COL24A1: variants seen among roughly 807,000 people sequenced by gnomAD.
The protein encoded by COL24A1 is collagen alpha-1(XXIV) chain.
In COL24A1, 224 loss-of-function variants were observed where a neutral mutation model predicts 253.9. That is an observed-to-expected ratio of 0.88 (90% CI 0.79 to 0.99). COL24A1 has a LOEUF of 0.99. Ranked by LOEUF, COL24A1 falls within the 50% of genes least tolerant of loss-of-function variation. COL24A1 has a pLI of 0.00. For missense variants in COL24A1, 2,131 were observed against 2,068.5 expected, an observed-to-expected ratio of 1.03 and a Z score of -0.59; for synonymous variants, 685 against 673.7, an observed-to-expected ratio of 1.02 and a Z score of -0.26.
chr1:85,986,497 C>G (rs1409721996), intron 20 of COL24A1, among the ~76,000 whole-genome samples: 3 of 151,736 alleles, frequency 2.0e-5, no homozygotes, highest in Non-Finnish European at 4.4e-5. Context: ...ATTGAATGCT[C>G]TACGTAATTT....
At position 85,821,893 on chromosome 1, in the gene COL24A1, C is replaced by A. The variant is rs148192586; in HGVS notation, c.3789+1643G>T. Among the ~76,000 whole-genome samples the A allele has an allele frequency of 5.4e-3, 815 of 152,168 alleles. 6 individuals are homozygous for A. The highest frequency in any genetic ancestry group is 0.019 in the African/African-American group (784 of 41,494). On this transcript the variant is annotated intron_variant, in intron 45 of 59. Coordinates refer to ENST00000370571, the MANE Select transcript of COL24A1 (RefSeq NM_152890.7). ...GACCTCTCAAGATGGAAAAAGAAAG[C>A]CTGCAAATATGAAAGTATTAATTGT... is the stretch of plus-strand genomic sequence containing the variant.
chr1:85,765,312 A>T (rs2101157281), intron 53 of COL24A1, among the ~76,000 whole-genome samples: 2 of 151,028 alleles, frequency 1.3e-5, no homozygotes, highest in South Asian at 4.2e-4. Context: ...TATAAATATG[A>T]AGCAGCTAAT....
chr1:85,801,111 A>C (rs1671381276), intron 47 of COL24A1, among the ~76,000 whole-genome samples: 1 of 151,900 alleles, frequency 6.6e-6, no homozygotes, highest in South Asian at 2.1e-4. Context: ...CACCACATTC[A>C]TTTTTTTCTT....
chr1:85,775,652 T>C lies in COL24A1; in HGVS notation c.4374+22A>G, dbSNP rs1474659838. ...TAGCCTAGTGTCAGGGTTACTATAA[T>C]CACAAATTTAGTTAAACTTACAGTT... On this transcript the variant is annotated intron_variant, in intron 53 of 59. Transcript: ENST00000370571. 1.9e-6 allele frequency: 3 copies of C among 1,600,964 alleles called. No homozygotes were observed. The South Asian group carries it at 3.4e-5, about 18-fold the overall frequency.
At chr1:86,123,756 T>A (rs1647782488) in intron 3 of COL24A1, among the ~76,000 whole-genome samples, 1 of 151,980 alleles carries the variant, frequency 6.6e-6, no homozygotes. Flanking sequence ...TTTATTTCTC[T>A]ATAATAGTAT....
intron 24 of COL24A1, among the ~76,000 whole-genome samples, chr1:85,916,526 TA>T (rs1397369288): frequency 2.0e-5 from 3 of 152,018 alleles, no homozygotes; most frequent in African/African-American, 7.2e-5. Flanking sequence ...CTATACATAA[TA>T]ATAATAAAAT....
At chr1:85,742,451 T>C (rs957043782) in intron 57 of COL24A1, among the ~76,000 whole-genome samples, 2 of 152,154 alleles carry the variant, frequency 1.3e-5, no homozygotes, top group Non-Finnish European at 2.9e-5. Context: ...TTTCTTCCTT[T>C]ACTTACTATC....
chr1:86,119,634 T>C (rs987152030), intron 3 of COL24A1, among the ~76,000 whole-genome samples: 8 of 152,092 alleles, frequency 5.3e-5, no homozygotes, highest in African/African-American at 9.7e-5. Flanking sequence ...AAAACAAATA[T>C]GGTAAGATGG....
rs138671401 is a variant in COL24A1 at position 86,067,960 on chromosome 1, A to G, written c.1708-4201T>C. On this transcript the variant is annotated intron_variant, in intron 7 of 59. Transcript: ENST00000370571. ...ATTCTGAAAACTGAATACATTCCTT[A>G]AGGAATGACAATAGGAAAATTTACA... is the stretch of plus-strand genomic sequence containing the variant. Among the ~76,000 whole-genome samples, 648 of 152,370 alleles carry G rather than the reference A, an allele frequency of 4.3e-3. 2 individuals carry two copies. The highest frequency in any genetic ancestry group is 0.034 in the Middle Eastern group (10 of 294).
chr1:85,801,037 C>A (rs72950669), intron 47 of COL24A1, among the ~76,000 whole-genome samples: 1 of 152,154 alleles, frequency 6.6e-6, no homozygotes, highest in Non-Finnish European at 1.5e-5. Context: ...CACAGTTTCT[C>A]GAGATTATTA....
intron 24 of COL24A1, among the ~76,000 whole-genome samples, chr1:85,941,035 C>CA (rs1187774696): frequency 6.6e-6 from 1 of 151,948 alleles, no homozygotes; most frequent in Admixed American, 6.6e-5. Flanking sequence ...TTATTAGTTT[C>CA]AAAAAAAGTA....
chr1:85,845,625 T>A (rs972008516), intron 39 of COL24A1, among the ~76,000 whole-genome samples: 2 of 151,834 alleles, frequency 1.3e-5, no homozygotes, highest in African/African-American at 4.8e-5. Flanking sequence ...AGAATCCCTA[T>A]GAGAATCATC....
At chr1:86,111,119 C>T (rs1705543975) in intron 5 of COL24A1, among the ~76,000 whole-genome samples, 1 of 143,780 alleles carries the variant, frequency 7.0e-6, no homozygotes, top group South Asian at 2.2e-4. Context: ...AATCAGCACT[C>T]TGTATCTAGC....
intron 37 of COL24A1, among the ~76,000 whole-genome samples, chr1:85,862,269 C>A (rs1432936469): frequency 6.6e-6 from 1 of 152,070 alleles, no homozygotes; most frequent in Non-Finnish European, 1.5e-5. Flanking sequence ...TAGCAGAGTT[C>A]TTGGCTCATA....
At chr1:85,760,165 C>T (rs555386807) in intron 55 of COL24A1, among the ~76,000 whole-genome samples, 2 of 151,828 alleles carry the variant, frequency 1.3e-5, no homozygotes, top group South Asian at 2.1e-4. Flanking sequence ...CTCTGCCTCC[C>T]GGGCTCAGGT....
At chr1:85,979,484 T>C (rs1693026317) in intron 20 of COL24A1, among the ~76,000 whole-genome samples, 1 of 151,810 alleles carries the variant, frequency 6.6e-6, no homozygotes, top group African/African-American at 2.4e-5. Flanking sequence ...ATAAGTTCAA[T>C]AGAAACGAAA....
chr1:86,115,377 C>T lies in COL24A1; in HGVS notation c.1493G>A (p.Gly498Asp). The T allele has an allele frequency of 6.2e-7, 1 of 1,613,762 alleles. No individual in the cohort carries two copies. The highest frequency in any genetic ancestry group is 1.1e-5 in the South Asian group (1 of 91,000). ...TGGGATACCTGCTGGACCAGGTGGA[C>T]CCTTGGAAAACAAATGTCAAGACAT... is the stretch of plus-strand genomic sequence containing the variant. ...RGPKGDTGPPGPPGPAGIPGP... is the reference protein window; with the variant it reads ...RGPKGDTGPPDPPGPAGIPGP... The change falls in exon 4 of 60, where the codon GGT becomes GAT. Residue 498 changes from glycine to aspartate, a missense_variant and splice_region_variant. Transcript: ENST00000370571.
chr1:86,138,024 CT>C, intron 2 of COL24A1, among the ~76,000 whole-genome samples: 1 of 152,252 alleles, frequency 6.6e-6, no homozygotes, highest in Middle Eastern at 3.4e-3. Context: ...TTTATCTTAC[CT>C]AATTTTGCTC....
At chr1:85,911,911 A>G (rs1685409525) in intron 24 of COL24A1, among the ~76,000 whole-genome samples, 1 of 152,126 alleles carries the variant, frequency 6.6e-6, no homozygotes, top group East Asian at 1.9e-4. Flanking sequence ...GATGGTTGCT[A>G]AGATTTCATT....
Sources: gnomAD v4.1 joint callset for allele counts (sites outside exome capture counted in the v4.1 genomes callset) on GRCh38, gnomAD v4.1.1 for gene constraint, MANE v1.5 for transcripts, NCBI Gene and HGNC (gene_info 2026-07-23, HGNC 2026-07-21) for gene names.